Variants in PALLD observed in about 807,000 individuals in gnomAD.
The protein encoded by PALLD is palladin.
Under a neutral mutation model 123.5 loss-of-function variants are expected in PALLD, and 61 were observed. The ratio of observed to expected loss-of-function variants is 0.49; its 90% CI spans 0.40 to 0.61. PALLD has a LOEUF of 0.61. Ranked by LOEUF, PALLD falls within the 20% of genes least tolerant of loss-of-function variation. PALLD has a pLI of 0.00. For synonymous variants in PALLD, 465 were observed against 496.4 expected (o/e 0.94, Z 0.84); for missense variants, 1,273 against 1,377.0 (o/e 0.92, Z 1.20).
chr4:168,559,462 G>T (rs1040055550), intron 2 of PALLD, among the ~76,000 whole-genome samples: 9 of 152,022 alleles, frequency 5.9e-5, no homozygotes, highest in Non-Finnish European at 1.0e-4. Context: ...TTAATCACTA[G>T]AAATGGAATT....
At position 168,851,945 on chromosome 4, in the gene PALLD, G is replaced by A. The variant is rs531122715; in HGVS notation, c.1965-38977G>A. Among the ~76,000 whole-genome samples the A allele has an allele frequency of 9.8e-4, 150 of 152,290 alleles. 1 individual carries two copies. Among genetic ancestry groups the A allele is most frequent in the African/African-American group, 3.5e-3 (146 of 41,572 alleles). On this transcript the variant is annotated intron_variant, in intron 10 of 21. Coordinates refer to ENST00000505667, the MANE Select transcript of PALLD (RefSeq NM_001166108.2). The stretch of plus-strand genomic sequence containing the variant: ...CAGGAAAAAAAGAGGAGGCTAAGAC[G>A]CAAGGTCCTCTGAAGCTTCTGCCAG...
At chr4:168,857,583 C>T (rs1448015997) in intron 10 of PALLD, among the ~76,000 whole-genome samples, 1 of 152,084 alleles carries the variant, frequency 6.6e-6, no homozygotes, top group Non-Finnish European at 1.5e-5. Flanking sequence ...TAAATCTTAC[C>T]TTTCATACCA....
At chr4:168,560,842 A>C (rs1269309252) in intron 2 of PALLD, among the ~76,000 whole-genome samples, 1 of 152,222 alleles carries the variant, frequency 6.6e-6, no homozygotes, top group African/African-American at 2.4e-5. Context: ...CTACCAGTTG[A>C]ATGCCCACTC....
rs142222969 is a variant in PALLD at position 168,582,113 on chromosome 4, A to G, written c.908+69701A>G. Among the ~76,000 whole-genome samples, 264 of 152,110 alleles carry G rather than the reference A, an allele frequency of 1.7e-3. 1 individual carries two copies. Among genetic ancestry groups the G allele is most frequent in the African/African-American group, 6.0e-3 (250 of 41,526 alleles). On this transcript the variant is annotated intron_variant, in intron 2 of 21. Transcript: ENST00000505667. ...GTTCTCTACTATGTTTCATTGGTCT[A>G]TATGTCTGTTTTTATGCAAGTATCT...
intron 2 of PALLD, among the ~76,000 whole-genome samples, chr4:168,637,329 G>A (rs1776444240): frequency 6.6e-6 from 1 of 151,996 alleles, no homozygotes; most frequent in Non-Finnish European, 1.5e-5. Context: ...ACCAGTTAGT[G>A]TCTAGTAACC....
At chr4:168,570,302 A>C (rs1156960154) in intron 2 of PALLD, among the ~76,000 whole-genome samples, 2 of 152,206 alleles carry the variant, frequency 1.3e-5, no homozygotes, top group African/African-American at 2.4e-5. Flanking sequence ...TTAGCCCAGA[A>C]GAAAATTCCC....
At chr4:168,909,006 T>C (rs1010573586) in intron 15 of PALLD, among the ~76,000 whole-genome samples, 3 of 152,182 alleles carry the variant, frequency 2.0e-5, no homozygotes, top group African/African-American at 7.2e-5. Context: ...TACTGGGCTG[T>C]GTATCACACT....
chr4:168,896,401 G>A (rs1330342467), intron 12 of PALLD, 148 bp from the exon 13 acceptor site: 9 of 629,686 alleles, frequency 1.4e-5, no homozygotes, highest in Non-Finnish European at 2.6e-5. Context: ...AAAGTGAGAA[G>A]CAGAATGGTT....
intron 10 of PALLD, among the ~76,000 whole-genome samples, chr4:168,756,637 A>G (rs987687891): frequency 2.3e-4 from 35 of 152,162 alleles, no homozygotes; most frequent in Admixed American, 2.0e-3. Flanking sequence ...GGTGAAGAGT[A>G]AGGGAGAGCA....
At chr4:168,671,822 C>T (rs1780312328) in intron 3 of PALLD, among the ~76,000 whole-genome samples, 1 of 152,212 alleles carries the variant, frequency 6.6e-6, no homozygotes, top group African/African-American at 2.4e-5. Context: ...GTTATTACTA[C>T]ATCAGCTGTC....
At chr4:168,727,974 C>A (rs1786765034) in intron 10 of PALLD, among the ~76,000 whole-genome samples, 1 of 152,126 alleles carries the variant, frequency 6.6e-6, no homozygotes, top group Non-Finnish European at 1.5e-5. Flanking sequence ...GAGTCCTTTT[C>A]CCCATTGCTT....
At chr4:168,672,773 A>G (rs905659897) in intron 3 of PALLD, among the ~76,000 whole-genome samples, 2 of 152,098 alleles carry the variant, frequency 1.3e-5, no homozygotes, top group Non-Finnish European at 2.9e-5. Flanking sequence ...GAACTTTTTT[A>G]ACAGCAAGTT....
intron 2 of PALLD, among the ~76,000 whole-genome samples, chr4:168,657,892 A>G (rs1778737056): frequency 6.6e-6 from 1 of 152,156 alleles, no homozygotes; most frequent in Admixed American, 6.5e-5. Flanking sequence ...CCCTACGTAA[A>G]TCGGACACCA....
chr4:168,789,681 C>A (rs575774475), intron 10 of PALLD, among the ~76,000 whole-genome samples: 23 of 133,620 alleles, frequency 1.7e-4, no homozygotes, highest in African/African-American at 5.6e-4. Flanking sequence ...TCCAGCCTGG[C>A]AACAGAGCGA....
At chr4:168,834,874 C>G (rs1744898744) in intron 10 of PALLD, among the ~76,000 whole-genome samples, 1 of 152,166 alleles carries the variant, frequency 6.6e-6, no homozygotes, top group Non-Finnish European at 1.5e-5. Flanking sequence ...TGCATTTTTG[C>G]ATTTTTGCAA....
intron 2 of PALLD, among the ~76,000 whole-genome samples, chr4:168,625,500 G>GATATATATATATATATAT (rs1554052783): frequency 2.8e-5 from 1 of 35,218 alleles, no homozygotes; most frequent in African/African-American, 8.6e-5. Context: ...TAATATCCAG[G>GATATATATATATATATAT]AGATATATAT....
chr4:168,806,736 G>C (rs576239138), intron 10 of PALLD, among the ~76,000 whole-genome samples: 2 of 152,080 alleles, frequency 1.3e-5, no homozygotes, highest in African/African-American at 4.8e-5. Flanking sequence ...TGGGAGAAGC[G>C]GTCGTTTAGC....
At chr4:168,913,893 A>G (rs1759571983) in intron 15 of PALLD, 34 bp from the exon 16 acceptor site, 2 of 1,359,406 alleles carry the variant, frequency 1.5e-6, no homozygotes, top group Non-Finnish European at 2.1e-6. Context: ...ATAGTTTTAA[A>G]TAGCAAATCA....
At chr4:168,645,878 A>G (rs1232134325) in intron 2 of PALLD, among the ~76,000 whole-genome samples, 1 of 152,158 alleles carries the variant, frequency 6.6e-6, no homozygotes, top group Non-Finnish European at 1.5e-5. Flanking sequence ...CAGCTCAGGC[A>G]CGGGGCTGTA....
Sources: allele counts gnomAD v4.1 joint callset (sites outside exome capture counted in the v4.1 genomes callset), GRCh38; gene constraint gnomAD v4.1.1; transcripts MANE v1.5; gene names NCBI Gene and HGNC (gene_info 2026-07-23, HGNC 2026-07-21).